The following KALRN variants were observed in gnomAD, a reference collection of about 807,000 sequenced individuals.
The protein encoded by KALRN is kalirin RhoGEF kinase.
A neutral mutation model predicts 353.7 loss-of-function variants in KALRN; 70 were observed. The observed-to-expected ratio is 0.20, with a 90% CI of 0.16 to 0.24. The LOEUF (loss-of-function observed/expected upper bound fraction) is 0.24, where lower values mean the gene tolerates loss of function less well. Ranked by LOEUF, KALRN falls within the 10% of genes least tolerant of loss-of-function variation. KALRN has a pLI of 1.00. For missense variants in KALRN, 2,791 were observed against 3,756.7 expected (o/e 0.74, Z 6.72); for synonymous variants, 1,391 against 1,434.8 (o/e 0.97, Z 0.69).
At chr3:124,332,302 C>G (rs2080658223) in intron 8 of KALRN, among the ~76,000 whole-genome samples, 1 of 152,020 alleles carries the variant, frequency 6.6e-6, no homozygotes, top group African/African-American at 2.4e-5. Flanking sequence ...TATCAGGGAC[C>G]AAAGGAGGGG....
intron 10 of KALRN, among the ~76,000 whole-genome samples, chr3:124,374,696 G>A (rs896261672): frequency 1.3e-5 from 2 of 152,138 alleles, no homozygotes; most frequent in African/African-American, 4.8e-5. Context: ...CAACTGTCTT[G>A]TCTCTCCAAA....
chr3:124,415,215 T>A (rs975978321), intron 14 of KALRN, among the ~76,000 whole-genome samples: 6 of 152,332 alleles, frequency 3.9e-5, no homozygotes, highest in Non-Finnish European at 7.3e-5. Context: ...ACTTTTTTTT[T>A]AAATGACAGT....
At chr3:124,047,078 A>G (rs1366230684) in intron 1 of KALRN, among the ~76,000 whole-genome samples, 1 of 151,792 alleles carries the variant, frequency 6.6e-6, no homozygotes, top group East Asian at 1.9e-4. Context: ...GTGTGGATTA[A>G]TTAGAGGGGA....
chr3:124,575,991 C>G lies in KALRN; in HGVS notation c.5182+12902C>G, dbSNP rs183630469. Among the ~76,000 whole-genome samples, 10 of 152,162 alleles carry G rather than the reference C, an allele frequency of 6.6e-5. No individual in the cohort carries two copies. The East Asian group carries it at 1.9e-3, about 29-fold the overall frequency. ...TCTACCATTCACCTGACCAGCCTGC[C>G]TCACTGAGCCATTACCAATCAAGCC... On this transcript the variant is annotated intron_variant, in intron 34 of 59. Transcript: ENST00000682506.
At chr3:124,598,561 G>A (rs1042060717) in intron 34 of KALRN, among the ~76,000 whole-genome samples, 1 of 152,172 alleles carries the variant, frequency 6.6e-6, no homozygotes, top group African/African-American at 2.4e-5. Flanking sequence ...ATTTTGCAGT[G>A]TAGAGGGGCA....
chr3:124,333,742 G>A (rs1350086102), intron 8 of KALRN, among the ~76,000 whole-genome samples: 3 of 152,140 alleles, frequency 2.0e-5, no homozygotes, highest in Non-Finnish European at 2.9e-5. Flanking sequence ...ACAGAAATTA[G>A]CCAGGTGTGG....
intron 1 of KALRN, among the ~76,000 whole-genome samples, chr3:124,166,844 G>A (rs1403797588): frequency 1.3e-5 from 2 of 152,004 alleles, no homozygotes; most frequent in Admixed American, 6.6e-5. Flanking sequence ...TTTGAGACCA[G>A]CCTAGCCAAC....
chr3:124,310,480 G>A (rs570704112), intron 6 of KALRN, among the ~76,000 whole-genome samples: 2 of 152,158 alleles, frequency 1.3e-5, no homozygotes, highest in Admixed American at 1.3e-4. Flanking sequence ...AGAGAACAAA[G>A]TTGGAAGACT....
intron 16 of KALRN, among the ~76,000 whole-genome samples, chr3:124,431,706 T>A (rs1482456351): frequency 6.6e-6 from 1 of 152,172 alleles, no homozygotes; most frequent in African/African-American, 2.4e-5. Flanking sequence ...AAAAAAAAAA[T>A]TGTTAATGAG....
chr3:124,085,035 T>C (rs2060736150), intron 1 of KALRN, among the ~76,000 whole-genome samples: 1 of 152,226 alleles, frequency 6.6e-6, no homozygotes, highest in Non-Finnish European at 1.5e-5. Context: ...CACCTTACTT[T>C]ACCCTGTGCC....
intron 28 of KALRN, 48 bp downstream of exon 28, chr3:124,482,948 G>T (rs781074580): frequency 1.6e-6 from 2 of 1,283,906 alleles, no homozygotes; most frequent in East Asian, 2.3e-5. Context: ...ACTGCCTGGG[G>T]CAAGGGAGTC....
chr3:124,667,007 T>C lies in KALRN; in HGVS notation c.6532-5T>C. The C allele has an allele frequency of 6.3e-7, 1 of 1,591,218 alleles. No individual in the cohort carries two copies. Among genetic ancestry groups the C allele is most frequent in the Non-Finnish European group, 8.6e-7 (1 of 1,164,488 alleles). On this transcript the variant is annotated splice_polypyrimidine_tract_variant and splice_region_variant and intron_variant, in intron 46 of 59. Coordinates refer to ENST00000682506, the MANE Select transcript of KALRN (RefSeq NM_001388419.1). ...TGTAAAAAGGATCAACTCGTTTTCT[T>C]CCAGATGAATTACTTGGTCCTGGAG...
At chr3:124,153,717 A>C (rs2068542008) in intron 1 of KALRN, among the ~76,000 whole-genome samples, 2 of 151,750 alleles carry the variant, frequency 1.3e-5, no homozygotes, top group South Asian at 4.1e-4. Context: ...TGGTTGAACT[A>C]GTTTACAGTC....
chr3:124,035,274 A>T (rs941932177), intron 1 of KALRN, among the ~76,000 whole-genome samples: 2 of 151,856 alleles, frequency 1.3e-5, no homozygotes, highest in African/African-American at 4.8e-5. Context: ...AAAAGCATGG[A>T]TTCTAAAGAG....
chr3:124,668,570 G>A (rs751727292), intron 47 of KALRN, among the ~76,000 whole-genome samples: 2 of 152,184 alleles, frequency 1.3e-5, no homozygotes, highest in Non-Finnish European at 1.5e-5. Flanking sequence ...AGGATGCCAC[G>A]ACTTTTTAAG....
At chr3:124,309,875 GACA>G (rs1469392743) in intron 6 of KALRN, among the ~76,000 whole-genome samples, 1 of 152,126 alleles carries the variant, frequency 6.6e-6, no homozygotes, top group African/African-American at 2.4e-5. Context: ...TCAAGAACAA[GACA>G]ACGACACTCT....
At chr3:124,357,500 A>G (rs754986801) in intron 10 of KALRN, among the ~76,000 whole-genome samples, 3 of 152,126 alleles carry the variant, frequency 2.0e-5, no homozygotes, top group East Asian at 1.9e-4. Flanking sequence ...TGTTCCCTCT[A>G]TCCCATCTTG....
At chr3:124,474,089 T>C (rs961582872) in intron 25 of KALRN, among the ~76,000 whole-genome samples, 3 of 152,228 alleles carry the variant, frequency 2.0e-5, no homozygotes, top group African/African-American at 7.2e-5. Context: ...ACAGTTGTAA[T>C]TCAATTCAGC....
chr3:124,053,232 T>C (rs1052544264), intron 1 of KALRN, among the ~76,000 whole-genome samples: 3 of 152,136 alleles, frequency 2.0e-5, no homozygotes, highest in Non-Finnish European at 4.4e-5. Flanking sequence ...TAGAGAGTTA[T>C]AGAAGACTTT....
Sources: gnomAD v4.1 joint callset for allele counts (sites outside exome capture counted in the v4.1 genomes callset) on GRCh38, gnomAD v4.1.1 for gene constraint, MANE v1.5 for transcripts, NCBI Gene and HGNC (gene_info 2026-07-23, HGNC 2026-07-21) for gene names.